TRPM1: variants seen among roughly 807,000 people sequenced by gnomAD.
TRPM1 encodes the protein TRPM1-203 APA Isoform, Intron 10.
TRPM1 carries 113 observed loss-of-function variants against 149.4 expected under a neutral mutation model. The ratio of observed to expected loss-of-function variants is 0.76; its 90% CI spans 0.65 to 0.88. The LOEUF (loss-of-function observed/expected upper bound fraction) is 0.88. Ranked by LOEUF, TRPM1 falls within the 40% of genes least tolerant of loss-of-function variation. TRPM1 has a pLI of 0.00. For synonymous variants in TRPM1, 741 were observed against 759.5 expected (o/e 0.98, Z 0.40); for missense variants, 1,976 against 2,038.7 (o/e 0.97, Z 0.59).
At position 31,070,245 on chromosome 15, in the gene TRPM1, C is replaced by A. The variant is rs938300899; in HGVS notation, c.84-19G>T. On this transcript the variant is annotated intron_variant, in intron 3 of 27. Transcript: ENST00000256552. ...GCAACACCTGAAAACAAAGGCAAAG[C>A]AGGGTCTTTCTACAACAATCTCCCC... The A allele has an allele frequency of 6.3e-7, 1 of 1,599,098 alleles. No individual in the cohort carries two copies. Among genetic ancestry groups the A allele is most frequent in the African/African-American group, 1.3e-5 (1 of 74,718 alleles).
At chr15:31,158,685 T>C (rs2036408810) in intron 1 of TRPM1, among the ~76,000 whole-genome samples, 1 of 146,416 alleles carries the variant, frequency 6.8e-6, no homozygotes. Context: ...AGCTACTCCA[T>C]AGACAGAGTA....
At chr15:31,029,565 G>A (rs1421843789) in intron 23 of TRPM1, among the ~76,000 whole-genome samples, 174 bp from the exon 24 acceptor site, 1 of 152,182 alleles carries the variant, frequency 6.6e-6, no homozygotes, top group East Asian at 1.9e-4. Flanking sequence ...TTCACACTTA[G>A]AAACAGTGAT....
chr15:31,042,046 G>A lies in TRPM1; in HGVS notation c.1992C>T (p.Ala664=), dbSNP rs988353807. 1.9e-6 allele frequency: 3 copies of A among 1,614,182 alleles called. No individual in the cohort carries two copies. The highest frequency in any genetic ancestry group is 2.7e-5 in the African/African-American group (2 of 75,048). The change falls in exon 17 of 28, where the codon GCC becomes GCT. Residue 664 remains alanine (A), a synonymous_variant. Transcript: ENST00000256552. The part of the protein sequence containing the change: ...WQRGEESMAK[A]LVACKLYKAM... ...CCTTGTAGAGCTTGCAGGCCACCAG[G>A]GCCTTGGCCATGCTCTCTTCCCCTC...
intron 3 of TRPM1, among the ~76,000 whole-genome samples, chr15:31,072,891 A>C (rs2034597189): frequency 6.6e-6 from 1 of 151,894 alleles, no homozygotes; most frequent in Non-Finnish European, 1.5e-5. Flanking sequence ...TAATTATTGG[A>C]TCTCTTTCCG....
At chr15:31,073,306 A>T (rs948956787) in intron 3 of TRPM1, among the ~76,000 whole-genome samples, 17 of 152,096 alleles carry the variant, frequency 1.1e-4, no homozygotes, top group Admixed American at 1.1e-3. Flanking sequence ...CCAAAAATCA[A>T]TTTGCCATAG....
chr15:31,052,502 C>T (rs747476339), intron 11 of TRPM1, among the ~76,000 whole-genome samples: 2 of 152,138 alleles, frequency 1.3e-5, no homozygotes, highest in African/African-American at 2.4e-5. Flanking sequence ...CTGCTGGGCA[C>T]GGTAGTTCAC....
At chr15:31,049,054 C>G (rs888364620) in intron 13 of TRPM1, among the ~76,000 whole-genome samples, 2 of 152,156 alleles carry the variant, frequency 1.3e-5, no homozygotes, top group East Asian at 3.8e-4. Context: ...ACTTCTCACC[C>G]TTGGTGACAT....
chr15:31,049,614 A>G, intron 12 of TRPM1, 105 bp from the exon 13 acceptor site: 1 of 1,272,026 alleles, frequency 7.9e-7, no homozygotes, highest in Non-Finnish European at 1.1e-6. Flanking sequence ...GCCAGATTCC[A>G]GAGCACTCCA....
intron 1 of TRPM1, among the ~76,000 whole-genome samples, chr15:31,156,344 T>A (rs1017561739): frequency 6.6e-6 from 1 of 152,072 alleles, no homozygotes; most frequent in Admixed American, 6.6e-5. Flanking sequence ...AGCTTTCCCC[T>A]TCTAGGCCCT....
At chr15:31,095,926 A>G (rs2035368083) in intron 1 of TRPM1, among the ~76,000 whole-genome samples, 1 of 151,912 alleles carries the variant, frequency 6.6e-6, no homozygotes, top group Non-Finnish European at 1.5e-5. Context: ...GTTGCCTGTA[A>G]TCCCAACTAT....
intron 20 of TRPM1, among the ~76,000 whole-genome samples, chr15:31,037,314 C>T (rs1348438945): frequency 6.6e-6 from 1 of 152,182 alleles, no homozygotes; most frequent in East Asian, 1.9e-4. Context: ...TTAGCCATGC[C>T]CTTGTAATGA....
intron 1 of TRPM1, among the ~76,000 whole-genome samples, chr15:31,127,394 G>T (rs570817410): frequency 6.6e-6 from 1 of 152,204 alleles, no homozygotes; most frequent in Non-Finnish European, 1.5e-5. Flanking sequence ...CTGAGTTTCC[G>T]CAGAAGGCAG....
chr15:31,095,873 A>G (rs2035366502), intron 1 of TRPM1, among the ~76,000 whole-genome samples: 2 of 151,368 alleles, frequency 1.3e-5, no homozygotes, highest in East Asian at 3.9e-4. Context: ...GTGAAACCCC[A>G]TCGCTACTAA....
At chr15:31,042,346 A>T in intron 16 of TRPM1, 103 bp from the exon 17 acceptor site, 11 of 1,223,644 alleles carry the variant, frequency 9.0e-6, no homozygotes, top group Admixed American at 8.2e-5. Flanking sequence ...GAGGTAATAA[A>T]GAGACTTCTG....
intron 3 of TRPM1, 49 bp from the exon 4 acceptor site, chr15:31,070,275 C>T: frequency 1.3e-6 from 2 of 1,563,882 alleles, no homozygotes; most frequent in Middle Eastern, 2.2e-4. Context: ...CTCCCCCTTT[C>T]CCCTTCATTA....
rs773186865 is a variant in TRPM1 at position 31,063,237 on chromosome 15, C to G, written c.846G>C (p.Val282=). ...GCAGGTATTCCAAGACGATGGACAC[C>G]ACGTTAGGGCCCCCCTCCACCACGA... ...VGLVVEGGPN[V]VSIVLEYLQE... Residue 282 remains valine (V), a synonymous_variant, in exon 8 of 28, where the codon GTG becomes GTC. Transcript: ENST00000256552. 8 of 1,614,046 alleles carry G rather than the reference C, an allele frequency of 5.0e-6. No homozygotes were observed. The East Asian group carries it at 1.6e-4, about 31-fold the overall frequency.
intron 1 of TRPM1, among the ~76,000 whole-genome samples, chr15:31,145,979 G>A (rs1191797654): frequency 2.0e-5 from 3 of 151,900 alleles, no homozygotes; most frequent in African/African-American, 2.4e-5. Context: ...GAAAGTTTAC[G>A]ATTTTGATTT....
chr15:31,050,026 A>G (rs1160052805), intron 12 of TRPM1, among the ~76,000 whole-genome samples: 2 of 152,150 alleles, frequency 1.3e-5, no homozygotes, highest in Admixed American at 6.5e-5. Context: ...CACACACCCA[A>G]TCATGGGCTC....
rs753851109 is a variant in TRPM1 at position 31,067,191 on chromosome 15, T to G, written c.494-4A>C. ...TCCCCTACGTGGCTGATAACACCTGTGAGCAGCCATTGGTCATATTTTAGG... is the reference window on the plus strand; with the variant it reads ...TCCCCTACGTGGCTGATAACACCTGGGAGCAGCCATTGGTCATATTTTAGG... On this transcript the variant is annotated splice_polypyrimidine_tract_variant and splice_region_variant and intron_variant, in intron 5 of 27. Transcript: ENST00000256552. The G allele has an allele frequency of 1.5e-5, 24 of 1,614,056 alleles. No homozygotes were observed. Among genetic ancestry groups the G allele is most frequent in the Non-Finnish European group, 1.9e-5 (23 of 1,180,024 alleles).
Sources: allele counts gnomAD v4.1 joint callset (sites outside exome capture counted in the v4.1 genomes callset), GRCh38; gene constraint gnomAD v4.1.1; transcripts MANE v1.5; gene names NCBI Gene and HGNC (gene_info 2026-07-23, HGNC 2026-07-21).